Variants in CDYL observed in about 807,000 individuals in gnomAD.
CDYL encodes chromodomain Y like.
A neutral mutation model predicts 47.3 loss-of-function variants in CDYL; 8 were observed. The ratio of observed to expected loss-of-function variants is 0.17; its 90% confidence interval spans 0.10 to 0.31. The LOEUF is 0.31. Ranked by LOEUF, CDYL falls within the 10% of genes least tolerant of loss-of-function variation. CDYL has a pLI of 1.00. For missense variants in CDYL, 471 were observed against 701.4 expected (o/e 0.67, Z 3.71); for synonymous variants, 266 against 265.0 (o/e 1.00, Z -0.04).
chr6:4,873,971 T>C (rs1761544809), intron 1 of CDYL, among the ~76,000 whole-genome samples: 1 of 152,158 alleles, frequency 6.6e-6, no homozygotes, highest in African/African-American at 2.4e-5. Flanking sequence ...CATTCAGTTA[T>C]TTCCTTGTGT....
intron 1 of CDYL, among the ~76,000 whole-genome samples, chr6:4,809,479 G>C (rs534882368): frequency 2.0e-5 from 3 of 152,172 alleles, no homozygotes; most frequent in South Asian, 4.1e-4. Flanking sequence ...GTTTTTAAGA[G>C]TACTTTGTAT....
intron 3 of CDYL, among the ~76,000 whole-genome samples, chr6:4,752,431 T>C (rs1474023145): frequency 6.6e-6 from 1 of 152,210 alleles, no homozygotes; most frequent in African/African-American, 2.4e-5. Flanking sequence ...ACTTGTACTT[T>C]AACAGGCTTT....
At chr6:4,835,935 C>T (rs1248621265) in intron 1 of CDYL, among the ~76,000 whole-genome samples, 2 of 152,198 alleles carry the variant, frequency 1.3e-5, no homozygotes, top group African/African-American at 2.4e-5. Flanking sequence ...GTCAGAAAAG[C>T]GCAGTATTCG....
At chr6:4,821,638 C>T (rs112742568) in intron 1 of CDYL, among the ~76,000 whole-genome samples, 1,532 of 151,632 alleles carry the variant, frequency 0.01, 37 homozygotes, top group African/African-American at 0.035. Flanking sequence ...GAGGCTGAGG[C>T]ATGAGAATCA....
chr6:4,949,940 C>G (rs955940470), intron 5 of CDYL, among the ~76,000 whole-genome samples: 1 of 152,192 alleles, frequency 6.6e-6, no homozygotes, highest in East Asian at 1.9e-4. Context: ...CTTGCTTGTC[C>G]TGCACATCCA....
At position 4,750,509 on chromosome 6, in the gene CDYL, T is replaced by A. The variant is rs547082715; in HGVS notation, c.186+15665T>A. ...GAGCCACCATGCCCGGCCAAAAAAA[T>A]TTTTTTAATTAGCTGGGAATGGTGG... is the stretch of plus-strand genomic sequence containing the variant. On this transcript the variant is annotated intron_variant, in intron 3 of 8. Coordinates refer to the CDYL transcript ENST00000328908. 5.5e-4 allele frequency among the ~76,000 whole-genome samples: 84 copies of A among 152,192 alleles called. No homozygotes were observed. In the South Asian group the frequency reaches 0.014, roughly 25 times the overall value.
At chr6:4,772,949 T>TGCAGATTC (rs1337530603), upstream of CDYL, 3 of 362,996 alleles carry the variant, frequency 8.3e-6, no homozygotes, top group African/African-American at 6.4e-5. Context: ...GTAGATGAAA[T>TGCAGATTC]GCAGATTCTT....
In CDYL at chr6:4,826,572, T is replaced by A. The variant is rs922827824; in HGVS notation, c.24+49765T>A. 8.5e-5 allele frequency among the ~76,000 whole-genome samples: 13 copies of A among 152,348 alleles called. No homozygotes were observed. In the East Asian group the frequency reaches 2.5e-3, roughly 29 times the overall value. On this transcript the variant is annotated intron_variant, in intron 1 of 6. Transcript: ENST00000397588. ...GATTTTGTTTTCATGCATCCCTAAG[T>A]GTCTTCTACTTTCCCTTGTGATTTC...
At chr6:4,796,728 TAAA>T (rs895221206) in intron 1 of CDYL, among the ~76,000 whole-genome samples, 2 of 152,184 alleles carry the variant, frequency 1.3e-5, no homozygotes, top group African/African-American at 2.4e-5. Flanking sequence ...CCTTTTTATT[TAAA>T]AAAGTTTGGT....
At chr6:4,779,295 T>C (rs1019828133) in intron 1 of CDYL, among the ~76,000 whole-genome samples, 13 of 152,182 alleles carry the variant, frequency 8.5e-5, no homozygotes, top group Non-Finnish European at 1.9e-4. Flanking sequence ...AGTTTTCTGT[T>C]TGGCCTCAGG....
chr6:4,842,117 T>C (rs568131365), intron 1 of CDYL, among the ~76,000 whole-genome samples: 3 of 144,134 alleles, frequency 2.1e-5, no homozygotes, highest in South Asian at 2.1e-4. Flanking sequence ...ATTATTTATA[T>C]ATAAACTTGT....
chr6:4,802,016 A>G (rs141418585), intron 1 of CDYL, among the ~76,000 whole-genome samples: 1 of 152,080 alleles, frequency 6.6e-6, no homozygotes, highest in African/African-American at 2.4e-5. Context: ...GAGTGCTTTA[A>G]ATTTCTAGCT....
chr6:4,889,026 G>T (rs566011134), intron 1 of CDYL, among the ~76,000 whole-genome samples: 3 of 152,140 alleles, frequency 2.0e-5, no homozygotes, highest in Admixed American at 2.0e-4. Context: ...TATCCTGTGT[G>T]TGCTTGAGAA....
At chr6:4,912,166 T>C (rs1260280271) in intron 2 of CDYL, among the ~76,000 whole-genome samples, 1 of 152,120 alleles carries the variant, frequency 6.6e-6, no homozygotes, top group Non-Finnish European at 1.5e-5. Flanking sequence ...CTGGTGGGAG[T>C]GGCTCCCAGT....
intron 1 of CDYL, among the ~76,000 whole-genome samples, chr6:4,832,869 T>C (rs1760188110): frequency 6.7e-6 from 1 of 149,742 alleles, no homozygotes; most frequent in African/African-American, 2.4e-5. Context: ...TGCGTAGAGG[T>C]GTTTGTAGTA....
chr6:4,904,555 C>T (rs1238457891), intron 2 of CDYL, among the ~76,000 whole-genome samples: 1 of 152,214 alleles, frequency 6.6e-6, no homozygotes, highest in African/African-American at 2.4e-5. Context: ...GATAACATTT[C>T]ACAATCAGGT....
Position 4,863,436 on chromosome 6 carries a change from A to G in CDYL, c.25-28277A>G, listed in dbSNP as rs4352720. On this transcript the variant is annotated intron_variant, in intron 1 of 6. Transcript: ENST00000397588. The stretch of plus-strand genomic sequence containing the variant: ...GCAAAAATAGAAAAAATCGAGTCAC[A>G]TAATTTCTTGTTCTTTTGGAATTAA... 4.2e-3 allele frequency among the ~76,000 whole-genome samples: 633 copies of G among 152,328 alleles called. 1 individual carries two copies. Among genetic ancestry groups the G allele is most frequent in the African/African-American group, 0.014 (595 of 41,564 alleles).
chr6:4,867,236 T>C (rs1761348394), intron 1 of CDYL, among the ~76,000 whole-genome samples: 1 of 152,116 alleles, frequency 6.6e-6, no homozygotes, highest in Non-Finnish European at 1.5e-5. Context: ...TTATTAGTTC[T>C]CAAAAGTTTT....
intron 1 of CDYL, among the ~76,000 whole-genome samples, chr6:4,802,270 G>A (rs1487719404): frequency 6.6e-6 from 1 of 152,158 alleles, no homozygotes; most frequent in Non-Finnish European, 1.5e-5. Flanking sequence ...TGGCATGGTG[G>A]TACACACCTG....
Sources: gnomAD v4.1 joint callset for allele counts (sites outside exome capture counted in the v4.1 genomes callset) on GRCh38, gnomAD v4.1.1 for gene constraint, MANE v1.5 for transcripts, NCBI Gene and HGNC (gene_info 2026-07-23, HGNC 2026-07-21) for gene names.